Variants in SLCO2B1 observed in about 807,000 individuals in gnomAD.
SLCO2B1 encodes the protein OATP-RP2.
SLCO2B1 carries 41 observed loss-of-function variants against 67.3 expected under a neutral mutation model. The observed-to-expected ratio is 0.61, with a 90% confidence interval of 0.47 to 0.79. The LOEUF is 0.79. Ranked by LOEUF, SLCO2B1 falls within the 30% of genes least tolerant of loss-of-function variation. SLCO2B1 has a pLI of 0.00. For synonymous variants in SLCO2B1, 379 were observed against 381.4 expected, an observed-to-expected ratio of 0.99 and a Z score of 0.07; for missense variants, 837 against 920.1, an observed-to-expected ratio of 0.91 and a Z score of 1.17.
At chr11:75,167,191 G>A (rs1949903771) in intron 4 of SLCO2B1, among the ~76,000 whole-genome samples, 1 of 152,150 alleles carries the variant, frequency 6.6e-6, no homozygotes, top group Non-Finnish European at 1.5e-5. Flanking sequence ...GTGGAGGGGA[G>A]GGCATGGGTG....
chr11:75,188,087 G>C, intron 7 of SLCO2B1, 49 bp from the exon 8 acceptor site: 1 of 1,339,074 alleles, frequency 7.5e-7, no homozygotes, highest in Non-Finnish European at 1.1e-6. Flanking sequence ...AACTCTGAGT[G>C]GGGTTGCTGG....
chr11:75,186,919 AGTGCTCAGGCTCT>A (rs1319274925), intron 7 of SLCO2B1, among the ~76,000 whole-genome samples: 1 of 152,194 alleles, frequency 6.6e-6, no homozygotes, highest in African/African-American at 2.4e-5. Flanking sequence ...GTACCAGTGA[AGTGCTCAGGCTCT>A]GGAGCCAAGC....
Position 75,164,166 on chromosome 11 carries a change from C to T in SLCO2B1, c.285+66C>T, listed in dbSNP as rs891023805. The T allele has an allele frequency of 8.5e-6, 13 of 1,526,664 alleles. No individual in the cohort carries two copies. In the African/African-American group the frequency reaches 1.6e-4, roughly 19 times the overall value. 94.6% of individuals were successfully genotyped at this position (1,526,664 alleles called of 1,614,324 possible). A position where few individuals can be genotyped will look rare whatever the true frequency, so the allele number is the denominator to read the frequency against. On this transcript the variant is annotated intron_variant, in intron 3 of 13. Transcript: ENST00000289575. ...GGCTTGCACCGCACCTTCCACCAGC[C>T]TCCCCTCTCACTACCCTACCTTAAG...
Position 75,202,920 on chromosome 11 carries a change from A to G in SLCO2B1, c.1783A>G (p.Lys595Glu), listed in dbSNP as rs779687972. Residue 595 changes from lysine to glutamate, a missense_variant, in exon 12 of 14, where the codon AAG becomes GAG. Physicochemically the swap from Lys to Glu is moderately conservative, Grantham distance 56. Coordinates refer to ENST00000289575, the MANE Select transcript of SLCO2B1 (RefSeq NM_007256.5). ...LILRGVKKED[K>E]TLAVGIQFMF... ...TGTTAGAGGAGTGAAGAAAGAAGACAAGACTTTGGCTGTGGGCATCCAGTT... is the reference window on the plus strand; with the variant it reads ...TGTTAGAGGAGTGAAGAAAGAAGACGAGACTTTGGCTGTGGGCATCCAGTT... 2.5e-6 allele frequency: 4 copies of G among 1,613,828 alleles called. No individual in the cohort carries two copies. Among genetic ancestry groups the G allele is most frequent in the Non-Finnish European group, 1.7e-6 (2 of 1,179,942 alleles).
rs746538003 is a variant in SLCO2B1, at chr11:75,169,406, G to T, written c.682G>T (p.Gly228Trp). 1.9e-6 allele frequency: 3 copies of T among 1,587,278 alleles called. No individual in the cohort carries two copies. The highest frequency in any genetic ancestry group is 1.7e-6 in the Non-Finnish European group (2 of 1,164,678). Residue 228 changes from glycine (G) to tryptophan (W), a missense_variant and splice_region_variant, in exon 5 of 14, where the codon GGG (glycine) becomes TGG (tryptophan). Transcript: ENST00000289575. ...AHNSNSPLYL[G>W]ILFAVTMMGP... ...CAACAGCAACTCGCCCCTCTACCTC[G>T]GTGAGGACCAGTGCCATCCCTTGGC...
At chr11:75,151,548 A>G in intron 1 of SLCO2B1, 151 bp downstream of exon 1, 1 of 760,202 alleles carries the variant, frequency 1.3e-6, no homozygotes, top group Non-Finnish European at 2.2e-6. Context: ...AGTTCAGTGA[A>G]GGTGTGTTAA....
chr11:75,196,023 G>A (rs1401445143), intron 9 of SLCO2B1, among the ~76,000 whole-genome samples: 2 of 152,200 alleles, frequency 1.3e-5, no homozygotes, highest in Non-Finnish European at 1.5e-5. Context: ...CAGGGTGGTG[G>A]GAGTGAGACT....
Position 75,206,507 on chromosome 11 carries a change from C to T in SLCO2B1, c.*1927C>T, listed in dbSNP as rs1945278892. On this transcript the variant is annotated 3_prime_UTR_variant, in exon 14 of 14. Transcript: ENST00000289575. ...CCTCACCTGTCCAAATTGTCATTCACATTTTATAGAAGAGGAAACTGGCTC... is the reference window on the plus strand; with the variant it reads ...CCTCACCTGTCCAAATTGTCATTCATATTTTATAGAAGAGGAAACTGGCTC... 1 of 152,216 alleles carries T rather than the reference C, an allele frequency of 6.6e-6. No homozygotes were observed. The highest frequency in any genetic ancestry group is 2.1e-4 in the South Asian group (1 of 4,836). The allele number at this position is 152,216 out of a possible 1,614,324, so 9.4% of individuals were successfully genotyped here. A position where few individuals can be genotyped will look rare whatever the true frequency, so the allele number is the denominator to read the frequency against.
At position 75,162,760 on chromosome 11, in the gene SLCO2B1, G is replaced by C; in HGVS notation, c.122G>C (p.Arg41Pro). The C allele has an allele frequency of 1.2e-6, 2 of 1,613,958 alleles. No homozygotes were observed. Among genetic ancestry groups the C allele is most frequent in the Non-Finnish European group, 1.7e-6 (2 of 1,179,910 alleles). The change falls in exon 2 of 14, where the codon CGG becomes CCG. Residue 41 changes from arginine to proline, a missense_variant. Coordinates refer to ENST00000289575, the MANE Select transcript of SLCO2B1 (RefSeq NM_007256.5). ...GCCAGCCCAGACCCTCAGGACGTGC[G>C]GCCAAGTGTGTTCCATAACATCAAG... ...GKASPDPQDV[R>P]PSVFHNIKLF... is the part of the protein sequence containing the mutation.
At chr11:75,152,202 A>T (rs1949700463) in intron 1 of SLCO2B1, 1 of 152,360 alleles carries the variant, frequency 6.6e-6, no homozygotes, top group Non-Finnish European at 1.5e-5. Context: ...GGAAGGCAGT[A>T]TGGGTAGAAG....
intron 3 of SLCO2B1, among the ~76,000 whole-genome samples, chr11:75,165,430 CAAA>C (rs56318055): frequency 4.7e-5 from 6 of 127,120 alleles, no homozygotes; most frequent in Non-Finnish European, 6.6e-5. Context: ...AATTCCGTCT[CAAA>C]AAAAAAAAAA....
chr11:75,195,286 T>G (rs1945083393), intron 9 of SLCO2B1, among the ~76,000 whole-genome samples: 1 of 152,140 alleles, frequency 6.6e-6, no homozygotes, highest in Non-Finnish European at 1.5e-5. Flanking sequence ...TTCTGGGAAG[T>G]GCTTCACCCT....
At position 75,204,467 on chromosome 11, in the gene SLCO2B1, C is replaced by T. The variant is rs371452720; in HGVS notation, c.2017C>T (p.Leu673=). ...CTGCTTCGCCTTAGTTTTGGCTGTC[C>T]TGAGGCAGCAGGACAAAGAGGCAAG... ...VICFALVLAV[L]RQQDKEARTK... is the part of the protein sequence containing the mutation. Residue 673 remains leucine (L), a synonymous_variant, in exon 14 of 14, where the codon CTG becomes TTG. Transcript: ENST00000289575. The T allele has an allele frequency of 1.5e-4, 245 of 1,613,280 alleles. 1 individual carries two copies. The Middle Eastern group carries it at 1.6e-3, about 11-fold the overall frequency.
At chr11:75,154,746 C>A (rs543561863) in intron 1 of SLCO2B1, among the ~76,000 whole-genome samples, 1 of 152,326 alleles carries the variant, frequency 6.6e-6, no homozygotes, top group East Asian at 1.9e-4. Flanking sequence ...GGAAGCCTGC[C>A]CTGACCCCAG....
chr11:75,203,341 C>T lies in SLCO2B1; in HGVS notation c.1863C>T (p.Ala621=), dbSNP rs1279076543. ...CCAGCCCCGTGATCCACGGCAGCGC[C>T]ATCGACACCACCTGTGTGCACTGGG... ...WMPSPVIHGS[A]IDTTCVHWAL... Residue 621 remains alanine (A), a synonymous_variant, in exon 13 of 14, where the codon GCC becomes GCT. Transcript: ENST00000289575. The T allele has an allele frequency of 1.2e-6, 2 of 1,614,008 alleles. No homozygotes were observed. Among genetic ancestry groups the T allele is most frequent in the Non-Finnish European group, 1.7e-6 (2 of 1,180,036 alleles).
chr11:75,170,213 G>T (rs1391766862), intron 6 of SLCO2B1, among the ~76,000 whole-genome samples: 1 of 152,188 alleles, frequency 6.6e-6, no homozygotes, highest in Non-Finnish European at 1.5e-5. Flanking sequence ...GAGAACTTTT[G>T]GAGCAGAACT....
chr11:75,152,829 T>G (rs1007644866), intron 1 of SLCO2B1, among the ~76,000 whole-genome samples: 1 of 152,070 alleles, frequency 6.6e-6, no homozygotes, highest in African/African-American at 2.4e-5. Flanking sequence ...CGAGACCCAT[T>G]CTGGGCTGTG....
intron 1 of SLCO2B1, among the ~76,000 whole-genome samples, chr11:75,153,310 A>G (rs1408624515): frequency 6.6e-6 from 1 of 152,122 alleles, no homozygotes; most frequent in East Asian, 1.9e-4. Flanking sequence ...TCTCCAGCCC[A>G]ACTGTGTTCA....
At chr11:75,178,297 C>G (rs1161586239) in intron 7 of SLCO2B1, among the ~76,000 whole-genome samples, 1 of 152,024 alleles carries the variant, frequency 6.6e-6, no homozygotes, top group Non-Finnish European at 1.5e-5. Flanking sequence ...ATCTCGGGGT[C>G]TTTATAAGAA....
Sources: gnomAD v4.1 joint callset for allele counts (sites outside exome capture counted in the v4.1 genomes callset) on GRCh38, gnomAD v4.1.1 for gene constraint, MANE v1.5 for transcripts, NCBI Gene and HGNC (gene_info 2026-07-23, HGNC 2026-07-21) for gene names.